Variants in RB1 observed in about 807,000 individuals in gnomAD.
The protein encoded by RB1 is retinoblastoma-associated protein.
RB1 carries 18 observed loss-of-function variants against 135.4 expected under a neutral mutation model. The observed-to-expected ratio is 0.13, with a 90% CI of 0.09 to 0.20. The LOEUF (loss-of-function observed/expected upper bound fraction) is 0.20, where lower values mean the gene tolerates loss of function less well. Among genes scored for constraint, RB1 ranks in the 10% least tolerant of loss-of-function variants. RB1 has a pLI of 1.00. For missense variants in RB1, 868 were observed against 1,110.0 expected, an observed-to-expected ratio of 0.78 and a Z score of 3.10; for synonymous variants, 365 against 373.2, an observed-to-expected ratio of 0.98 and a Z score of 0.25.
rs146017569 is a variant in RB1 at position 48,411,539 on chromosome 13, C to T, written c.1695+30096C>T. ...TTTTTATTGAATTCTGAATTGTGTC[C>T]GATGTAAAGTAGTAAACTATAGGGT... On this transcript the variant is annotated intron_variant, in intron 17 of 26. Transcript: ENST00000267163. 11 of 1,613,228 alleles carry T rather than the reference C, an allele frequency of 6.8e-6. No homozygotes were observed. The highest frequency in any genetic ancestry group is 4.4e-5 in the South Asian group (4 of 90,982).
intron 4 of RB1, among the ~76,000 whole-genome samples, chr13:48,345,980 A>G (rs1297237119): frequency 6.6e-6 from 1 of 151,940 alleles, no homozygotes; most frequent in East Asian, 1.9e-4. Flanking sequence ...GACCACTAAA[A>G]CTTCACAACT....
chr13:48,360,676 G>A (rs1332788706), intron 7 of RB1: 3 of 152,480 alleles, frequency 2.0e-5, no homozygotes, highest in East Asian at 1.9e-4. Flanking sequence ...GATGAGATGG[G>A]AAGTATATTT....
At chr13:48,334,764 G>A (rs1358862409) in intron 2 of RB1, among the ~76,000 whole-genome samples, 1 of 152,126 alleles carries the variant, frequency 6.6e-6, no homozygotes, top group African/African-American at 2.4e-5. Flanking sequence ...GTTTAAAAAA[G>A]CGAGTATAAG....
At chr13:48,335,176 G>A (rs1952371878) in intron 2 of RB1, among the ~76,000 whole-genome samples, 1 of 151,330 alleles carries the variant, frequency 6.6e-6, no homozygotes, top group Non-Finnish European at 1.5e-5. Flanking sequence ...TTTTCTTAAC[G>A]TTATATGTTG....
rs890434750 is a variant in RB1 at position 48,337,942 on chromosome 13, C to T, written c.265-4657C>T. On this transcript the variant is annotated intron_variant, in intron 2 of 26. Coordinates refer to ENST00000267163, the MANE Select transcript of RB1 (RefSeq NM_000321.3). ...TTTATTTCTCCTTCACTTATGAAGC[C>T]TAGTTTGGCTGGATATGAAATTCTG... Among the ~76,000 whole-genome samples the T allele has an allele frequency of 1.4e-4, 21 of 152,214 alleles. No individual in the cohort carries two copies. In the South Asian group the frequency reaches 1.9e-3, roughly 14 times the overall value.
chr13:48,459,602 A>T (rs2138335550), intron 19 of RB1, 86 bp from the exon 20 acceptor site: 1 of 1,386,556 alleles, frequency 7.2e-7, no homozygotes, highest in Non-Finnish European at 1.0e-6. Flanking sequence ...ACAGCATTAT[A>T]ATTAGAGCGA....
chr13:48,459,847 G>T lies in RB1; in HGVS notation c.2106+14G>T, dbSNP rs760861486. The T allele has an allele frequency of 6.2e-7, 1 of 1,604,766 alleles. No homozygotes were observed. Among genetic ancestry groups the T allele is most frequent in the Non-Finnish European group, 8.5e-7 (1 of 1,173,010 alleles). On this transcript the variant is annotated intron_variant, in intron 20 of 26. Transcript: ENST00000267163. ...CATTTGGACCAAGTAAGAAAATCAA[G>T]CACTTCACCTTCTCTCCTCCCTACT...
At position 48,364,983 on chromosome 13, in the gene RB1, G is replaced by A. The variant is rs1214700401; in HGVS notation, c.939+12G>A. 7.7e-6 allele frequency: 12 copies of A among 1,561,572 alleles called. No individual in the cohort carries two copies. The highest frequency in any genetic ancestry group is 1.0e-5 in the Non-Finnish European group (12 of 1,149,576). ...ATGGACTTCCAGAGGTAATCTGAAA[G>A]GAAATTTAATAAAATATTAATGTTT... On this transcript the variant is annotated intron_variant, in intron 9 of 26. Coordinates refer to ENST00000267163, the MANE Select transcript of RB1 (RefSeq NM_000321.3).
At chr13:48,428,564 T>C (rs1949099428) in intron 17 of RB1, among the ~76,000 whole-genome samples, 1 of 152,216 alleles carries the variant, frequency 6.6e-6, no homozygotes, top group Non-Finnish European at 1.5e-5. Context: ...AGGTAAATAT[T>C]AAGCAAAGAA....
intron 17 of RB1, chr13:48,411,745 C>T (rs1948808413): frequency 6.2e-7 from 1 of 1,609,774 alleles, no homozygotes; most frequent in African/African-American, 1.3e-5. Flanking sequence ...ATTTTTAAAA[C>T]CTTAGTTTTG....
chr13:48,354,699 A>G (rs1952575339), intron 6 of RB1, among the ~76,000 whole-genome samples: 1 of 152,186 alleles, frequency 6.6e-6, no homozygotes, highest in Non-Finnish European at 1.5e-5. Context: ...CCAAAACAGC[A>G]TGGTACTGGC....
Position 48,440,599 on chromosome 13 carries a change from A to G in RB1, c.1696-12394A>G, listed in dbSNP as rs565466189. 3.6e-4 allele frequency among the ~76,000 whole-genome samples: 55 copies of G among 152,292 alleles called. 1 individual carries two copies. In the South Asian group the frequency reaches 6.8e-3, roughly 19 times the overall value. On this transcript the variant is annotated intron_variant, in intron 17 of 26. Transcript: ENST00000267163. ...AGGCGATCTGCCTTGCCTTTCTTCT[A>G]CTGTGTCAAAGAATTTATGATCAAG...
At chr13:48,448,933 A>G (rs1949307965) in intron 17 of RB1, among the ~76,000 whole-genome samples, 1 of 152,228 alleles carries the variant, frequency 6.6e-6, no homozygotes, top group African/African-American at 2.4e-5. Flanking sequence ...TTGAGCTTAT[A>G]TATCTCTAAT....
intron 17 of RB1, chr13:48,412,551 T>C (rs1457159018): frequency 5.6e-6 from 4 of 715,804 alleles, no homozygotes; most frequent in Non-Finnish European, 1.0e-5. Context: ...GATGGTTTTA[T>C]AAATATTTCC....
intron 2 of RB1, among the ~76,000 whole-genome samples, chr13:48,307,861 C>CAA (rs1286994777): frequency 7.4e-6 from 1 of 135,336 alleles, no homozygotes; most frequent in Admixed American, 7.5e-5. Context: ...GAGTCTGTCT[C>CAA]AAAAAAAAAA....
Position 48,362,908 on chromosome 13 carries a change from C to A in RB1, c.812C>A (p.Thr271Lys). The change falls in exon 8 of 27, where the codon ACA (threonine) becomes AAA (lysine). Residue 271 changes from threonine (T) to lysine (K), a missense_variant. Transcript: ENST00000267163. ...ARIAKQLEND[T>K]RIIEVLCKEH... is the part of the protein sequence containing the mutation. The stretch of plus-strand genomic sequence containing the variant: ...ATAGCAAAACAACTAGAAAATGATA[C>A]AAGAATTATTGAAGTTCTCTGTAAA... 6.2e-7 allele frequency: 1 copy of A among 1,613,776 alleles called. No individual in the cohort carries two copies. The highest frequency in any genetic ancestry group is 8.5e-7 in the Non-Finnish European group (1 of 1,179,858).
chr13:48,376,449 G>A (rs1347762656), intron 12 of RB1, among the ~76,000 whole-genome samples: 4 of 148,230 alleles, frequency 2.7e-5, no homozygotes, highest in Non-Finnish European at 4.4e-5. Flanking sequence ...GCAGTAAGCC[G>A]AGATTGCGCC....
chr13:48,442,565 G>GT (rs990017376), intron 17 of RB1, among the ~76,000 whole-genome samples: 3 of 152,052 alleles, frequency 2.0e-5, no homozygotes, highest in Non-Finnish European at 4.4e-5. Context: ...CTTTAACAAG[G>GT]TTTTTTTCCT....
At chr13:48,410,550 A>G (rs1229302876) in intron 17 of RB1, among the ~76,000 whole-genome samples, 1 of 152,224 alleles carries the variant, frequency 6.6e-6, no homozygotes, top group Non-Finnish European at 1.5e-5. Context: ...CCGACCTAAC[A>G]TACTTAAAAC....
Sources: allele counts gnomAD v4.1 joint callset (sites outside exome capture counted in the v4.1 genomes callset), GRCh38; gene constraint gnomAD v4.1.1; transcripts MANE v1.5; gene names NCBI Gene and HGNC (gene_info 2026-07-23, HGNC 2026-07-21).